KLHL26: variants seen among roughly 807,000 people sequenced by gnomAD.
The protein encoded by KLHL26 is kelch-like protein 26.
A neutral mutation model predicts 7.1 loss-of-function variants in KLHL26; 4 were observed. The observed-to-expected ratio is 0.56, with a 90% confidence interval of 0.28 to 1.28. The LOEUF (loss-of-function observed/expected upper bound fraction) is 1.28. KLHL26 is among the 50% of genes most tolerant of loss of function. KLHL26 has a pLI of 0.11. For synonymous variants in KLHL26, 465 were observed against 414.1 expected, an observed-to-expected ratio of 1.12 and a Z score of -1.49; for missense variants, 896 against 924.6, an observed-to-expected ratio of 0.97 and a Z score of 0.40.
chr19:18,640,205 T>G (rs892172924), intron 1 of KLHL26, among the ~76,000 whole-genome samples: 1 of 151,958 alleles, frequency 6.6e-6, no homozygotes, highest in African/African-American at 2.4e-5. Flanking sequence ...TACTTAAGAG[T>G]AGAATGACTA....
At position 18,667,726 on chromosome 19, in the gene KLHL26, C is replaced by T; in HGVS notation, c.329C>T (p.Ser110Leu). The T allele has an allele frequency of 1.9e-6, 3 of 1,613,164 alleles. No individual in the cohort carries two copies. Among genetic ancestry groups the T allele is most frequent in the Non-Finnish European group, 2.5e-6 (3 of 1,179,978 alleles). Residue 110 changes from serine to leucine, a missense_variant, in exon 3 of 3, where the codon TCG becomes TTG. Transcript: ENST00000300976. ...GACGTCATCGAGCTGAAGGGCGTGT[C>T]GGCCCGTGGCCTGCGGCACATCATC... The part of the protein sequence containing the change: ...SQDVIELKGV[S>L]ARGLRHIIDF...
At position 18,646,538 on chromosome 19, in the gene KLHL26, C is replaced by T. The variant is rs1976804547; in HGVS notation, c.83+9401C>T. Among the ~76,000 whole-genome samples the T allele has an allele frequency of 6.6e-6, 1 of 152,204 alleles. No individual in the cohort carries two copies. Among genetic ancestry groups the T allele is most frequent in the South Asian group, 2.1e-4 (1 of 4,826 alleles). On this transcript the variant is annotated intron_variant, in intron 1 of 2. Transcript: ENST00000300976. The surrounding 1 kb of genome is among the most constrained non-coding windows in gnomAD (Gnocchi z 5.0). Reference sequence around the variant, plus strand: ...GGTGTCTCATCATACCCATGGGTGACTGTGGCTCCCTCTTTATGGGTTGTG... The same window carrying T: ...GGTGTCTCATCATACCCATGGGTGATTGTGGCTCCCTCTTTATGGGTTGTG...
At position 18,667,658 on chromosome 19, in the gene KLHL26, C is replaced by T. The variant is rs1336729475; in HGVS notation, c.267-6C>T. The T allele has an allele frequency of 6.2e-7, 1 of 1,607,336 alleles. No individual in the cohort carries two copies. Among genetic ancestry groups the T allele is most frequent in the Non-Finnish European group, 8.5e-7 (1 of 1,176,652 alleles). The stretch of plus-strand genomic sequence containing the variant: ...GCCAGCCACACGTTGTGTTTCTGCC[C>T]TTCAGGGCCATGTTCACCGGCGGCA... On this transcript the variant is annotated splice_region_variant and splice_polypyrimidine_tract_variant and intron_variant, in intron 2 of 2. Coordinates refer to ENST00000300976, the MANE Select transcript of KLHL26 (RefSeq NM_018316.3).
At chr19:18,654,057 A>T (rs2052297917) in intron 1 of KLHL26, among the ~76,000 whole-genome samples, 1 of 107,980 alleles carries the variant, frequency 9.3e-6, no homozygotes, top group African/African-American at 3.7e-5. Context: ...CTACCCATCC[A>T]TCCACCCATC....
chr19:18,666,974 C>T (rs1370167128), intron 2 of KLHL26, among the ~76,000 whole-genome samples: 2 of 152,224 alleles, frequency 1.3e-5, no homozygotes, highest in African/African-American at 4.8e-5. Context: ...CCTGGCCCCT[C>T]TAACCGCACC....
intron 1 of KLHL26, among the ~76,000 whole-genome samples, chr19:18,654,338 TCCACTCATCCACCATCTGC>T (rs2052302732): frequency 1.5e-5 from 2 of 131,472 alleles, no homozygotes; most frequent in African/African-American, 2.9e-5. Flanking sequence ...CATCCACCAA[TCCACTCATCCACCATCTGC>T]CCACTCATCC....
rs898590876 is a variant in KLHL26 at position 18,649,240 on chromosome 19, A to G, written c.83+12103A>G. On this transcript the variant is annotated intron_variant, in intron 1 of 2. Transcript: ENST00000300976. The surrounding 1 kb of genome is among the most constrained non-coding windows in gnomAD (Gnocchi z 4.0). ...CGTTCCCCAAGGGCAGGGCTTTATC[A>G]GATCTTTTTACAGTGGTGGTCCTGG... 2.6e-5 allele frequency among the ~76,000 whole-genome samples: 4 copies of G among 152,168 alleles called. No individual in the cohort carries two copies. The highest frequency in any genetic ancestry group is 2.6e-4 in the Admixed American group (4 of 15,274).
At position 18,668,342 on chromosome 19, in the gene KLHL26, C is replaced by T. The variant is rs375255835; in HGVS notation, c.945C>T (p.Gly315=). The change falls in exon 3 of 3, where the codon GGC becomes GGT. Residue 315 remains glycine (G), a synonymous_variant. Coordinates refer to ENST00000300976, the MANE Select transcript of KLHL26 (RefSeq NM_018316.3). ...ATGTGCCCTCGCTCGTCACCTTCGG[C>T]GGCACGCCCTACACCGACAGCGACC... ...RSDVPSLVTF[G]GTPYTDSDRS... 102 of 1,608,270 alleles carry T rather than the reference C, an allele frequency of 6.3e-5. No individual in the cohort carries two copies. The Admixed American group carries it at 9.8e-4, about 16-fold the overall frequency.
chr19:18,661,823 G>A (rs2052394552), intron 1 of KLHL26, among the ~76,000 whole-genome samples: 1 of 151,900 alleles, frequency 6.6e-6, no homozygotes, highest in Admixed American at 6.6e-5. Context: ...CTGACTGCAA[G>A]CGAGGCTGAC....
At chr19:18,664,164 C>A (rs1395694853) in intron 1 of KLHL26, 97 bp from the exon 2 acceptor site, 2 of 1,148,728 alleles carry the variant, frequency 1.7e-6, no homozygotes, top group South Asian at 1.6e-5. Context: ...CACAGTGCGG[C>A]CTTTTGTGTC....
rs1208932762 is a variant in KLHL26, at chr19:18,670,080, A to G, written c.*835A>G. The G allele has an allele frequency of 6.6e-6, 1 of 152,174 alleles. No homozygotes were observed. The allele number at this position is 152,174 out of a possible 1,614,324, so 9.4% of individuals were successfully genotyped here. The stretch of plus-strand genomic sequence containing the variant: ...AGGGCGACGCTAACTTCAGAATCCC[A>G]TAGTGGCGCTTGCCGCAGGTCTGGT... On this transcript the variant is annotated 3_prime_UTR_variant, in exon 3 of 3. Coordinates refer to ENST00000300976, the MANE Select transcript of KLHL26 (RefSeq NM_018316.3).
intron 1 of KLHL26, among the ~76,000 whole-genome samples, chr19:18,643,887 C>G (rs1976758060): frequency 6.6e-6 from 1 of 152,152 alleles, no homozygotes; most frequent in Non-Finnish European, 1.5e-5. Context: ...AACCACTATG[C>G]CCAACCTGTA....
At chr19:18,667,426 G>A (rs1375224937) in intron 2 of KLHL26, 14 of 589,884 alleles carry the variant, frequency 2.4e-5, no homozygotes, top group South Asian at 1.0e-4. Flanking sequence ...CAGTGGTCTC[G>A]ATCTCCTGAT....
At chr19:18,642,160 T>G (rs915517287) in intron 1 of KLHL26, among the ~76,000 whole-genome samples, 1 of 152,170 alleles carries the variant, frequency 6.6e-6, no homozygotes, top group Non-Finnish European at 1.5e-5. Flanking sequence ...TGTTCGTCTG[T>G]TCCTTCATTT....
chr19:18,655,392 G>C (rs118150194), intron 1 of KLHL26, among the ~76,000 whole-genome samples: 9,925 of 152,302 alleles, frequency 0.065, 370 homozygotes, highest in Non-Finnish European at 0.085. Flanking sequence ...CCTGGGACCG[G>C]GGAGAGGTCG....
chr19:18,668,276 G>A lies in KLHL26; in HGVS notation c.879G>A (p.Arg293=), dbSNP rs1198269764. 1 of 1,611,918 alleles carries A rather than the reference G, an allele frequency of 6.2e-7. No individual in the cohort carries two copies. Among genetic ancestry groups the A allele is most frequent in the Non-Finnish European group, 8.5e-7 (1 of 1,179,852 alleles). Residue 293 remains arginine, a synonymous_variant, in exon 3 of 3, where the codon CGG becomes CGA. Coordinates refer to ENST00000300976, the MANE Select transcript of KLHL26 (RefSeq NM_018316.3). The part of the protein sequence containing the change: ...EAFNYQVLPF[R]QHEMQSPRTA... ...TCAACTACCAGGTGCTGCCCTTCCG[G>A]CAGCACGAGATGCAGTCTCCGCGCA...
intron 1 of KLHL26, 141 bp from the exon 2 acceptor site, chr19:18,664,120 C>A: frequency 2.2e-6 from 1 of 463,628 alleles, no homozygotes; most frequent in Non-Finnish European, 3.2e-6. Flanking sequence ...TGCGGATTTG[C>A]CTGTTCTGGG....
Position 18,650,997 on chromosome 19 carries a change from G to A in KLHL26, c.84-13264G>A, listed in dbSNP as rs1014985651. 6.6e-6 allele frequency among the ~76,000 whole-genome samples: 1 copy of A among 152,156 alleles called. No homozygotes were observed. Among genetic ancestry groups the A allele is most frequent in the Non-Finnish European group, 1.5e-5 (1 of 68,012 alleles). On this transcript the variant is annotated intron_variant, in intron 1 of 2. Coordinates refer to ENST00000300976, the MANE Select transcript of KLHL26 (RefSeq NM_018316.3). The surrounding 1 kb of genome is among the most constrained non-coding windows in gnomAD (Gnocchi z 4.2). ...TCCAGAGGCTCGTCTGGAATGCCGT[G>A]GCTGGATCTGAGCCTCCTGACATCC...
At chr19:18,651,307 G>A (rs2052253256) in intron 1 of KLHL26, among the ~76,000 whole-genome samples, 1 of 152,096 alleles carries the variant, frequency 6.6e-6, no homozygotes, top group Non-Finnish European at 1.5e-5. Flanking sequence ...AAAATCCCAG[G>A]GAAGGCTCTG....
Sources: gnomAD v4.1 joint callset for allele counts (sites outside exome capture counted in the v4.1 genomes callset) on GRCh38, gnomAD v4.1.1 for gene constraint, Gnocchi (gnomAD v3.1) non-coding constraint, MANE v1.5 for transcripts, NCBI Gene and HGNC (gene_info 2026-07-23, HGNC 2026-07-21) for gene names.